Variants in XKR6 observed in about 807,000 individuals in gnomAD.
XKR6 encodes XK-related protein 6.
A neutral mutation model predicts 56.7 loss-of-function variants in XKR6; 22 were observed. The observed-to-expected ratio is 0.39, with a 90% CI of 0.28 to 0.55. The LOEUF (loss-of-function observed/expected upper bound fraction) is 0.55, where lower values mean the gene tolerates loss of function less well. XKR6 is among the 20% of genes least tolerant of loss of function. The pLI, the probability that XKR6 is intolerant of heterozygous loss-of-function variation, is 0.66. For synonymous variants in XKR6, 524 were observed against 387.8 expected (o/e 1.35, Z -4.13); for missense variants, 852 against 889.0 (o/e 0.96, Z 0.53).
intron 1 of XKR6, among the ~76,000 whole-genome samples, chr8:11,049,081 T>G (rs548342968): frequency 6.6e-6 from 1 of 152,338 alleles, no homozygotes; most frequent in South Asian, 2.1e-4. Context: ...TGGCTGGCCT[T>G]GGTGGCAAGA....
At chr8:11,187,226 G>C (rs1009063483) in intron 1 of XKR6, among the ~76,000 whole-genome samples, 3 of 152,166 alleles carry the variant, frequency 2.0e-5, no homozygotes, top group Non-Finnish European at 4.4e-5. Context: ...GCTAGGTTTT[G>C]GAGGCAGAAT....
chr8:10,998,162 C>T (rs981756302), intron 1 of XKR6, among the ~76,000 whole-genome samples: 1 of 152,120 alleles, frequency 6.6e-6, no homozygotes, highest in Non-Finnish European at 1.5e-5. Context: ...GTCCAGCACT[C>T]ACTTCTAAGA....
At chr8:10,950,665 T>C (rs1275312650) in intron 1 of XKR6, among the ~76,000 whole-genome samples, 1 of 152,224 alleles carries the variant, frequency 6.6e-6, no homozygotes, top group Non-Finnish European at 1.5e-5. Context: ...GAATGCTTAA[T>C]AATTCATTCG....
At chr8:10,930,035 G>C (rs1270700165) in intron 1 of XKR6, among the ~76,000 whole-genome samples, 1 of 152,162 alleles carries the variant, frequency 6.6e-6, no homozygotes, top group Non-Finnish European at 1.5e-5. Context: ...GAAAGACTAA[G>C]TGACTTCCCT....
chr8:11,005,205 C>T (rs868158713), intron 1 of XKR6, among the ~76,000 whole-genome samples: 26 of 151,872 alleles, frequency 1.7e-4, no homozygotes, highest in Admixed American at 1.3e-4. Context: ...AGCAGAATGA[C>T]GCAAGATTTC....
chr8:10,928,862 C>T (rs1800977268), intron 1 of XKR6, among the ~76,000 whole-genome samples: 1 of 152,242 alleles, frequency 6.6e-6, no homozygotes, highest in African/African-American at 2.4e-5. Context: ...AAGACACCAA[C>T]TCTTCTCCCG....
At chr8:10,951,887 G>C (rs549263864) in intron 1 of XKR6, among the ~76,000 whole-genome samples, 3 of 152,314 alleles carry the variant, frequency 2.0e-5, no homozygotes, top group Admixed American at 2.0e-4. Context: ...TGCCAGGTCG[G>C]GAAGAGGCCC....
intron 2 of XKR6, among the ~76,000 whole-genome samples, chr8:10,922,340 G>T (rs1800746630): frequency 1.3e-5 from 2 of 152,218 alleles, no homozygotes; most frequent in South Asian, 4.1e-4. Context: ...TGGGGCAGTA[G>T]CCCTGGGATC....
At chr8:11,148,300 A>G (rs1801094919) in intron 1 of XKR6, among the ~76,000 whole-genome samples, 1 of 152,218 alleles carries the variant, frequency 6.6e-6, no homozygotes, top group Non-Finnish European at 1.5e-5. Flanking sequence ...TTATAATAAT[A>G]GGAAATTTGG....
At chr8:11,016,192 C>A (rs1237213730) in intron 1 of XKR6, among the ~76,000 whole-genome samples, 1 of 152,202 alleles carries the variant, frequency 6.6e-6, no homozygotes, top group Non-Finnish European at 1.5e-5. Context: ...GCCAGCTGGA[C>A]TAAAAGCCCC....
intron 1 of XKR6, among the ~76,000 whole-genome samples, chr8:11,045,133 C>A (rs1799378559): frequency 1.5e-5 from 2 of 136,594 alleles, no homozygotes; most frequent in Admixed American, 1.5e-4. Context: ...GTCGCCCAGG[C>A]CGGAGTGCAG....
intron 1 of XKR6, among the ~76,000 whole-genome samples, chr8:11,127,880 G>T (rs77666811): frequency 2.0e-5 from 3 of 152,178 alleles, no homozygotes; most frequent in Non-Finnish European, 4.4e-5. Context: ...TTAACCAGTT[G>T]AAATTTAATG....
At chr8:10,948,219 G>C (rs1034359831) in intron 1 of XKR6, among the ~76,000 whole-genome samples, 11 of 152,292 alleles carry the variant, frequency 7.2e-5, no homozygotes, top group Middle Eastern at 3.4e-3. Flanking sequence ...CTTTCCCAAA[G>C]TCACACAGCA....
At chr8:11,039,406 G>A (rs765230376) in intron 1 of XKR6, among the ~76,000 whole-genome samples, 28 of 152,268 alleles carry the variant, frequency 1.8e-4, no homozygotes, top group Non-Finnish European at 2.9e-4. Flanking sequence ...AACAGCCATG[G>A]TTAGGCCAAG....
At chr8:10,910,966 G>A (rs1186751672) in intron 2 of XKR6, among the ~76,000 whole-genome samples, 1 of 152,138 alleles carries the variant, frequency 6.6e-6, no homozygotes, top group African/African-American at 2.4e-5. Context: ...TTCTCATTGA[G>A]GAGCAACAGC....
intron 1 of XKR6, among the ~76,000 whole-genome samples, chr8:11,094,418 G>A (rs534497712): frequency 3.3e-5 from 5 of 151,684 alleles, no homozygotes; most frequent in Non-Finnish European, 7.4e-5. Flanking sequence ...TGAAACCCCT[G>A]GCCTCAAGTG....
chr8:11,114,889 C>G (rs1261480909), intron 1 of XKR6, among the ~76,000 whole-genome samples: 1 of 152,100 alleles, frequency 6.6e-6, no homozygotes, highest in East Asian at 1.9e-4. Context: ...ACTCGTACAA[C>G]ATGAAAACTA....
At chr8:11,104,977 G>C (rs1027588955) in intron 1 of XKR6, 4 of 152,176 alleles carry the variant, frequency 2.6e-5, no homozygotes, top group Non-Finnish European at 4.4e-5. Context: ...GGTGACGGCT[G>C]TCCTTTTAAC....
chr8:11,109,311 C>G (rs775861186), intron 1 of XKR6: 8 of 152,150 alleles, frequency 5.3e-5, no homozygotes, highest in Admixed American at 4.6e-4. Context: ...TAAAGTTATC[C>G]AACAGGGACA....
Sources: gnomAD v4.1 joint callset for allele counts (sites outside exome capture counted in the v4.1 genomes callset) on GRCh38, gnomAD v4.1.1 for gene constraint, MANE v1.5 for transcripts, NCBI Gene and HGNC (gene_info 2026-07-23, HGNC 2026-07-21) for gene names.